ATRX: variants seen among roughly 807,000 people sequenced by gnomAD.
ATRX encodes chromatin remodeler ATRX.
ATRX carries 12 observed loss-of-function variants against 172.6 expected under a neutral mutation model. That is an observed-to-expected ratio of 0.07 (90% CI 0.04 to 0.11). The LOEUF is 0.11. ATRX is among the 10% of genes least tolerant of loss of function. The pLI, the probability that ATRX is intolerant of heterozygous loss-of-function variation, is 1.00. For synonymous variants in ATRX, 674 were observed against 594.7 expected (o/e 1.13, Z -1.94); for missense variants, 1,368 against 1,767.4 (o/e 0.77, Z 4.05).
chrX:77,538,896 T>C (rs1001191166), intron 30 of ATRX, among the ~76,000 whole-genome samples: 3 of 93,914 alleles, frequency 3.2e-5, no homozygotes, highest in African/African-American at 1.2e-4. Context: ...CTTTGCTCCA[T>C]TTTTTTTTTT....
chrX:77,635,900 C>A lies in ATRX; in HGVS notation c.4699+15G>T, dbSNP rs782458143. The A allele has an allele frequency of 8.4e-7, 1 of 1,190,079 alleles. No individual in the cohort carries two copies. The highest frequency in any genetic ancestry group is 1.1e-6 in the Non-Finnish European group (1 of 879,745). ...ATTTAACTAAAAATTATTGAATCAT[C>A]TAATAGTTTCTTACCATCTACTTGA... is the stretch of plus-strand genomic sequence containing the variant. On this transcript the variant is annotated intron_variant, in intron 16 of 34. Coordinates refer to ENST00000373344, the MANE Select transcript of ATRX (RefSeq NM_000489.6).
At chrX:77,628,679 T>G (rs1458670401) in intron 19 of ATRX, among the ~76,000 whole-genome samples, 1 of 111,915 alleles carries the variant, frequency 8.9e-6, no homozygotes, top group Non-Finnish European at 1.9e-5. Context: ...GTGATCATAG[T>G]TCACTGCTTC....
At chrX:77,685,123 G>T in intron 7 of ATRX, 117 bp from the exon 8 acceptor site, 1 of 572,729 alleles carries the variant, frequency 1.7e-6, no homozygotes, top group Non-Finnish European at 2.9e-6. Flanking sequence ...CAGGACACTG[G>T]TGTGGGCAAA....
intron 15 of ATRX, among the ~76,000 whole-genome samples, chrX:77,641,565 A>G (rs1557111207): frequency 9.7e-6 from 1 of 103,191 alleles, no homozygotes; most frequent in East Asian, 3.1e-4. Flanking sequence ...CCTGGGTGAT[A>G]GAGCGAGCCT....
chrX:77,776,870 T>C (rs190787526), intron 1 of ATRX, among the ~76,000 whole-genome samples: 12 of 111,674 alleles, frequency 1.1e-4, no homozygotes, highest in Non-Finnish European at 1.5e-4. Flanking sequence ...TGTATTTCTA[T>C]GCAGCTCTTT....
At chrX:77,643,156 T>C (rs2068740065) in intron 15 of ATRX, among the ~76,000 whole-genome samples, 1 of 110,782 alleles carries the variant, frequency 9.0e-6, no homozygotes, top group South Asian at 3.9e-4. Context: ...TTGTGTAAAT[T>C]TTATCTAACC....
chrX:77,566,130 A>G (rs1423952783), intron 28 of ATRX, among the ~76,000 whole-genome samples: 2 of 111,831 alleles, frequency 1.8e-5, no homozygotes, highest in Non-Finnish European at 3.8e-5. Flanking sequence ...AATTACCAAA[A>G]TGTATTAAGA....
At position 77,536,728 on chromosome X, in the gene ATRX, T is replaced by C. The variant is rs781788642; in HGVS notation, c.6700-13327A>G. On this transcript the variant is annotated intron_variant, in intron 30 of 34. Transcript: ENST00000373344. ...AATTTCATGAGCAGGTTGCCTGAAA[T>C]GTAAACACCAATATAATCTCTGCAA... Among the ~76,000 whole-genome samples, 3 of 112,250 alleles carry C rather than the reference T, an allele frequency of 2.7e-5. No homozygotes were observed. In the South Asian group the frequency reaches 1.1e-3, roughly 41 times the overall value.
chrX:77,624,530 G>A (rs2067739238), intron 19 of ATRX, among the ~76,000 whole-genome samples: 2 of 111,317 alleles, frequency 1.8e-5, no homozygotes, highest in Non-Finnish European at 1.9e-5. Flanking sequence ...CAAGGTTTCC[G>A]GATACAAGAT....
rs2068340095 is a variant in ATRX, at chrX:77,636,185, T to A, written c.4558-129A>T. ...ACACCACAAATCCAATTGGTATGAT[T>A]TGGATCTGTGTCCCCACCAAATCTC... On this transcript the variant is annotated intron_variant, in intron 15 of 34. Transcript: ENST00000373344. 4 of 662,002 alleles carry A rather than the reference T, an allele frequency of 6.0e-6. No homozygotes were observed. In the South Asian group the frequency reaches 7.5e-5, roughly 12 times the overall value. The allele number at this position is 662,002 out of a possible 1,213,427, so 54.6% of individuals were successfully genotyped here.
At chrX:77,646,831 G>A (rs1281037787) in intron 15 of ATRX, among the ~76,000 whole-genome samples, 3 of 109,318 alleles carry the variant, frequency 2.7e-5, no homozygotes, top group African/African-American at 1.0e-4. Context: ...GCGGAGGCAG[G>A]AGGATCACTT....
At chrX:77,667,114 A>G (rs979651506) in intron 10 of ATRX, among the ~76,000 whole-genome samples, 64 of 110,717 alleles carry the variant, frequency 5.8e-4, no homozygotes, top group Non-Finnish European at 8.1e-4. Flanking sequence ...GTATGTCCCT[A>G]AAAAAGACTA....
intron 22 of ATRX, among the ~76,000 whole-genome samples, chrX:77,601,067 C>T (rs1557086890): frequency 9.0e-6 from 1 of 111,076 alleles, no homozygotes; most frequent in Non-Finnish European, 1.9e-5. Flanking sequence ...ATATAATCCC[C>T]TAAATTCTAT....
At chrX:77,697,487 T>C in intron 4 of ATRX, 96 bp downstream of exon 4, 5 of 839,463 alleles carry the variant, frequency 6.0e-6, no homozygotes, top group Non-Finnish European at 8.8e-6. Flanking sequence ...TAACTCAGAA[T>C]AGTGGTTGAC....
At chrX:77,733,958 C>T (rs2074417520) in intron 1 of ATRX, among the ~76,000 whole-genome samples, 2 of 109,702 alleles carry the variant, frequency 1.8e-5, no homozygotes, top group African/African-American at 3.3e-5. Context: ...AATCCCAACA[C>T]TTTGGGAAGC....
At chrX:77,717,780 G>A (rs1367683913) in intron 1 of ATRX, among the ~76,000 whole-genome samples, 5 of 110,959 alleles carry the variant, frequency 4.5e-5, no homozygotes, top group Non-Finnish European at 9.4e-5. Context: ...TGTTTAAACA[G>A]AAGTTAAACT....
chrX:77,662,784 C>T (rs2069990090), intron 12 of ATRX, among the ~76,000 whole-genome samples: 1 of 111,452 alleles, frequency 9.0e-6, no homozygotes, highest in South Asian at 3.8e-4. Context: ...CAACCTCCGC[C>T]TCCTGGGTTC....
chrX:77,745,274 G>A (rs1264290983), intron 1 of ATRX, among the ~76,000 whole-genome samples: 1 of 108,147 alleles, frequency 9.2e-6, no homozygotes, highest in Non-Finnish European at 1.9e-5. Flanking sequence ...ATATCAAAGA[G>A]TTATCTGCAC....
At chrX:77,554,421 C>T (rs1413326026) in intron 30 of ATRX, among the ~76,000 whole-genome samples, 1 of 111,876 alleles carries the variant, frequency 8.9e-6, no homozygotes, top group Non-Finnish European at 1.9e-5. Flanking sequence ...TCACTCCAGG[C>T]TAATTTTCTA....
Sources: allele counts gnomAD v4.1 joint callset (sites outside exome capture counted in the v4.1 genomes callset), GRCh38; gene constraint gnomAD v4.1.1; transcripts MANE v1.5; gene names NCBI Gene and HGNC (gene_info 2026-07-23, HGNC 2026-07-21).